The following EFCAB6 variants were observed in gnomAD, a reference collection of about 807,000 sequenced individuals.
EFCAB6 encodes EF-hand calcium binding domain 6.
In EFCAB6, 156 loss-of-function variants were observed where a neutral mutation model predicts 169.8. That is an observed-to-expected ratio of 0.92 (90% confidence interval 0.81 to 1.05). The LOEUF (loss-of-function observed/expected upper bound fraction) is 1.05, where lower values mean the gene tolerates loss of function less well. Ranked by LOEUF, EFCAB6 falls within the 50% of genes least tolerant of loss-of-function variation. The pLI is 0.00. For synonymous variants in EFCAB6, 698 were observed against 676.4 expected (o/e 1.03, Z -0.50); for missense variants, 1,800 against 1,829.1 (o/e 0.98, Z 0.29).
At chr22:43,617,797 AAC>A (rs2053798002) in intron 20 of EFCAB6, among the ~76,000 whole-genome samples, 1 of 152,124 alleles carries the variant, frequency 6.6e-6, no homozygotes. Flanking sequence ...ACTTAGAACA[AAC>A]ACACAAGAAA....
chr22:43,664,787 G>C (rs2057168671), intron 17 of EFCAB6, among the ~76,000 whole-genome samples: 2 of 152,140 alleles, frequency 1.3e-5, no homozygotes, highest in Non-Finnish European at 2.9e-5. Flanking sequence ...GACCATGCAG[G>C]GTCTCCTAGG....
chr22:43,540,537 G>A, intron 27 of EFCAB6, 180 bp from the exon 28 acceptor site: 2 of 1,525,646 alleles, frequency 1.3e-6, no homozygotes, highest in Non-Finnish European at 1.8e-6. Context: ...GAGGCCTCAG[G>A]AAGACTCTGG....
chr22:43,531,078 A>C (rs988088845), intron 30 of EFCAB6, 114 bp from the exon 31 acceptor site: 2 of 1,387,104 alleles, frequency 1.4e-6, no homozygotes, highest in African/African-American at 1.4e-5. Context: ...TCACCTCCCA[A>C]CCTGCTCCGC....
At chr22:43,702,776 A>AT (rs2058813833) in intron 10 of EFCAB6, among the ~76,000 whole-genome samples, 1 of 152,214 alleles carries the variant, frequency 6.6e-6, no homozygotes, top group South Asian at 2.1e-4. Context: ...AGCTGAGCTA[A>AT]TAACTCCCAG....
Position 43,678,115 on chromosome 22 carries a change from A to C in EFCAB6, c.1300T>G (p.Cys434Gly), listed in dbSNP as rs2057845604. 6.2e-7 allele frequency: 1 copy of C among 1,613,718 alleles called. No homozygotes were observed. The change falls in exon 13 of 32, where the codon TGC becomes GGC. Residue 434 changes from cysteine to glycine, a missense_variant. Transcript: ENST00000262726. ...GAATCGCTTAGTTTTACAGCCATGC[A>C]ATTTAGAATATATCGAAATTCTTCT... ...TREEFRYILN[C>G]MAVKLSDSEF...
chr22:43,775,789 G>A (rs1420424748), intron 3 of EFCAB6, among the ~76,000 whole-genome samples: 2 of 152,226 alleles, frequency 1.3e-5, no homozygotes, highest in East Asian at 1.9e-4. Flanking sequence ...CCACTTGGCT[G>A]TGAGGAGGCC....
intron 10 of EFCAB6, among the ~76,000 whole-genome samples, chr22:43,688,014 T>C (rs939181311): frequency 2.6e-5 from 4 of 152,306 alleles, no homozygotes; most frequent in Admixed American, 6.5e-5. Context: ...GGAGGGCGGA[T>C]CTGGAGATGG....
At chr22:43,672,534 C>G (rs1239614916) in intron 13 of EFCAB6, among the ~76,000 whole-genome samples, 4 of 152,162 alleles carry the variant, frequency 2.6e-5, no homozygotes, top group African/African-American at 7.2e-5. Flanking sequence ...ATGTCTTTTG[C>G]AGGGACATAG....
At chr22:43,775,292 T>G (rs989116499) in intron 3 of EFCAB6, among the ~76,000 whole-genome samples, 67 of 152,200 alleles carry the variant, frequency 4.4e-4, no homozygotes, top group African/African-American at 1.5e-3. Flanking sequence ...CACAATATCA[T>G]GTTAACACTC....
intron 12 of EFCAB6, among the ~76,000 whole-genome samples, chr22:43,681,811 T>C (rs916665317): frequency 4.6e-5 from 7 of 152,126 alleles, no homozygotes; most frequent in Non-Finnish European, 1.0e-4. Flanking sequence ...AATAACAATA[T>C]CAAGACTAGG....
chr22:43,614,948 C>G (rs2053595233), intron 21 of EFCAB6, among the ~76,000 whole-genome samples: 1 of 152,002 alleles, frequency 6.6e-6, no homozygotes, highest in African/African-American at 2.4e-5. Context: ...CACAGACAGT[C>G]CACTCTATGG....
chr22:43,653,045 C>T (rs1277755232), intron 17 of EFCAB6, among the ~76,000 whole-genome samples: 1 of 152,054 alleles, frequency 6.6e-6, no homozygotes, highest in African/African-American at 2.4e-5. Flanking sequence ...AATACTGGGG[C>T]TGAAGCGCTG....
At chr22:43,558,788 C>T (rs886156801) in intron 26 of EFCAB6, among the ~76,000 whole-genome samples, 2 of 152,170 alleles carry the variant, frequency 1.3e-5, no homozygotes, top group South Asian at 2.1e-4. Flanking sequence ...ATAATGCTAT[C>T]GCACACTTAA....
intron 26 of EFCAB6, among the ~76,000 whole-genome samples, chr22:43,574,126 C>CA (rs2050075100): frequency 6.7e-6 from 1 of 150,230 alleles, no homozygotes; most frequent in African/African-American, 2.5e-5. Context: ...ATTACAGAGG[C>CA]AAAAGCTGGA....
intron 20 of EFCAB6, among the ~76,000 whole-genome samples, 189 bp downstream of exon 20, chr22:43,626,258 C>T (rs2054511676): frequency 1.3e-5 from 2 of 152,026 alleles, no homozygotes; most frequent in African/African-American, 4.8e-5. Flanking sequence ...GGTGGTAAGA[C>T]CAGGGCTGTA....
At chr22:43,790,672 G>C (rs944663124) in intron 2 of EFCAB6, among the ~76,000 whole-genome samples, 1 of 152,214 alleles carries the variant, frequency 6.6e-6, no homozygotes, top group Non-Finnish European at 1.5e-5. Flanking sequence ...GAAACCTCTA[G>C]GGGGTTAGTG....
At chr22:43,578,910 G>C (rs1313207635) in intron 25 of EFCAB6, among the ~76,000 whole-genome samples, 1 of 149,806 alleles carries the variant, frequency 6.7e-6, no homozygotes, top group African/African-American at 2.5e-5. Flanking sequence ...ATACGTATAG[G>C]CATCATTCCG....
chr22:43,555,566 G>A (rs2048657665), intron 26 of EFCAB6, among the ~76,000 whole-genome samples: 1 of 152,214 alleles, frequency 6.6e-6, no homozygotes, highest in South Asian at 2.1e-4. Flanking sequence ...GGGGGGTTTT[G>A]ATGACTGCTG....
In EFCAB6 at chr22:43,536,168, C is replaced by A. The variant is rs527862421; in HGVS notation, c.4048+1209G>T. ...GGACAGTAACACAGTGAAGGTTTAT[C>A]ACTCTCAAAATCAAAGAATTAACTA... On this transcript the variant is annotated intron_variant, in intron 29 of 31. Coordinates refer to ENST00000262726, the MANE Select transcript of EFCAB6 (RefSeq NM_022785.4). The A allele has an allele frequency of 1.2e-3, 185 of 152,066 alleles. 2 individuals are homozygous for A. The highest frequency in any genetic ancestry group is 4.1e-3 in the African/African-American group (171 of 41,466). The allele number at this position is 152,066 out of a possible 1,614,324, so 9.4% of individuals were successfully genotyped here. A position where few individuals can be genotyped will look rare whatever the true frequency, so the allele number is the denominator to read the frequency against.
Sources: gnomAD v4.1 joint callset for allele counts (sites outside exome capture counted in the v4.1 genomes callset) on GRCh38, gnomAD v4.1.1 for gene constraint, MANE v1.5 for transcripts, NCBI Gene and HGNC (gene_info 2026-07-23, HGNC 2026-07-21) for gene names.